UBR1: variants seen among roughly 807,000 people sequenced by gnomAD.
The protein encoded by UBR1 is E3 ubiquitin-protein ligase UBR1.
A neutral mutation model predicts 242.1 loss-of-function variants in UBR1; 102 were observed. That is an observed-to-expected ratio of 0.42 (90% CI 0.36 to 0.50). The LOEUF (loss-of-function observed/expected upper bound fraction) is 0.50, where lower values mean the gene tolerates loss of function less well. UBR1 is among the 20% of genes least tolerant of loss of function. The pLI is 0.01. For missense variants in UBR1, 1,772 were observed against 2,101.8 expected (o/e 0.84, Z 3.07); for synonymous variants, 675 against 684.8 (o/e 0.99, Z 0.22).
chr15:43,074,939 T>C (rs372960286), intron 4 of UBR1, 40 bp downstream of exon 4: 1 of 1,473,984 alleles, frequency 6.8e-7, no homozygotes, highest in Non-Finnish European at 9.5e-7. Context: ...CTCAGCAAAC[T>C]TAAAATAGTT....
chr15:42,991,983 C>T (rs1299849951), intron 33 of UBR1, among the ~76,000 whole-genome samples: 2 of 152,038 alleles, frequency 1.3e-5, no homozygotes, highest in African/African-American at 4.8e-5. Context: ...AATTCCTGGC[C>T]TCAAGTGATC....
chr15:43,079,194 C>T (rs1307829179), intron 3 of UBR1, among the ~76,000 whole-genome samples: 4 of 152,114 alleles, frequency 2.6e-5, no homozygotes, highest in Non-Finnish European at 5.9e-5. Flanking sequence ...AGACCAGGCA[C>T]AGTGGCTCAT....
intron 5 of UBR1, among the ~76,000 whole-genome samples, chr15:43,068,983 C>T (rs1020643181): frequency 6.6e-6 from 1 of 152,162 alleles, no homozygotes; most frequent in African/African-American, 2.4e-5. Flanking sequence ...GATAAATAAA[C>T]AGATTTTATT....
At chr15:43,054,981 A>T in intron 11 of UBR1, 82 bp from the exon 12 acceptor site, 1 of 1,457,486 alleles carries the variant, frequency 6.9e-7, no homozygotes, top group Non-Finnish European at 9.5e-7. Flanking sequence ...TTGGTTAGTC[A>T]GTATGTCATT....
intron 6 of UBR1, among the ~76,000 whole-genome samples, chr15:43,065,274 A>G (rs1336645452): frequency 1.3e-5 from 2 of 151,704 alleles, no homozygotes; most frequent in Admixed American, 6.6e-5. Context: ...TTCTTTTCCT[A>G]TCTCTATTCT....
At chr15:42,985,058 C>G (rs1019597551) in intron 35 of UBR1, 116 bp from the exon 36 acceptor site, 1 of 897,048 alleles carries the variant, frequency 1.1e-6, no homozygotes, top group Non-Finnish European at 1.6e-6. Flanking sequence ...TTGCATTTTT[C>G]CCCTTCAAAG....
intron 44 of UBR1, among the ~76,000 whole-genome samples, chr15:42,953,547 T>C (rs1313171018): frequency 6.6e-6 from 1 of 152,128 alleles, no homozygotes; most frequent in African/African-American, 2.4e-5. Context: ...TTCCGGGAGG[T>C]TGCTCCAGAA....
intron 2 of UBR1, among the ~76,000 whole-genome samples, chr15:43,084,758 AT>A (rs988763833): frequency 5.9e-5 from 9 of 151,920 alleles, no homozygotes; most frequent in Non-Finnish European, 8.8e-5. Context: ...GGCCAAGGCT[AT>A]TTTTTTTCCC....
intron 39 of UBR1, among the ~76,000 whole-genome samples, chr15:42,972,695 G>A (rs1003888458): frequency 5.9e-5 from 9 of 152,088 alleles, no homozygotes; most frequent in African/African-American, 1.9e-4. Context: ...TTTTAGCACT[G>A]AATAATATTT....
chr15:43,056,535 C>A, intron 10 of UBR1, 93 bp from the exon 11 acceptor site: 1 of 810,044 alleles, frequency 1.2e-6, no homozygotes. Context: ...TTGTTTCTAT[C>A]TATAAAATGT....
intron 41 of UBR1, among the ~76,000 whole-genome samples, chr15:42,964,399 G>A (rs958267798): frequency 6.6e-6 from 1 of 152,102 alleles, no homozygotes; most frequent in Non-Finnish European, 1.5e-5. Flanking sequence ...AACCCGGGAG[G>A]TGGAGGTTGC....
At chr15:43,077,175 G>T (rs1204088569) in intron 3 of UBR1, among the ~76,000 whole-genome samples, 1 of 145,992 alleles carries the variant, frequency 6.8e-6, no homozygotes, top group Non-Finnish European at 1.5e-5. Context: ...TTGGGGATGG[G>T]CCATGATGAC....
At chr15:43,000,062 A>G (rs1448087063) in intron 32 of UBR1, among the ~76,000 whole-genome samples, 1 of 152,138 alleles carries the variant, frequency 6.6e-6, no homozygotes, top group Non-Finnish European at 1.5e-5. Context: ...ATTTTTTCGT[A>G]AGTTTGTATT....
At chr15:43,102,109 A>G (rs2034244673) in intron 1 of UBR1, among the ~76,000 whole-genome samples, 1 of 152,120 alleles carries the variant, frequency 6.6e-6, no homozygotes, top group Non-Finnish European at 1.5e-5. Context: ...CGCTGGAAAC[A>G]ACACAACCGC....
Position 42,970,580 on chromosome 15 carries a change from T to G in UBR1, c.4397A>C (p.Asp1466Ala), listed in dbSNP as rs1244166418. Residue 1466 changes from aspartate (D) to alanine (A), a missense_variant, in exon 40 of 47, where the codon GAC becomes GCC. Coordinates refer to ENST00000290650, the MANE Select transcript of UBR1 (RefSeq NM_174916.3). ...AGATGCGGAATGAGCCTCTTCACTG[T>G]CTTCTTGAACCTGAGCAAGGGGTAG... ...TGLPLAQVQE[D>A]SEEAHSASSF... The G allele has an allele frequency of 6.2e-7, 1 of 1,613,744 alleles. No homozygotes were observed. Among genetic ancestry groups the G allele is most frequent in the African/African-American group, 1.3e-5 (1 of 74,936 alleles).
At chr15:42,950,135 G>A (rs1469472307) in intron 46 of UBR1, 127 bp downstream of exon 46, 4 of 897,462 alleles carry the variant, frequency 4.5e-6, no homozygotes, top group Non-Finnish European at 7.3e-6. Flanking sequence ...CACGGTGTCT[G>A]GCCTCAATTA....
chr15:43,055,791 C>T (rs1309934191), intron 11 of UBR1, among the ~76,000 whole-genome samples: 5 of 151,856 alleles, frequency 3.3e-5, no homozygotes, highest in African/African-American at 4.8e-5. Context: ...GGTGCCTGCC[C>T]GTAGTCCCAG....
intron 25 of UBR1, among the ~76,000 whole-genome samples, chr15:43,023,973 TAC>T (rs945222608): frequency 2.0e-5 from 3 of 152,222 alleles, no homozygotes; most frequent in African/African-American, 7.2e-5. Context: ...AATAGGAGAC[TAC>T]TGAAACACAT....
At chr15:42,990,254 C>T (rs2032534192) in intron 33 of UBR1, 134 bp from the exon 34 acceptor site, 2 of 671,198 alleles carry the variant, frequency 3.0e-6, no homozygotes, top group Non-Finnish European at 5.2e-6. Flanking sequence ...GCATGATCAT[C>T]TGTAGCTTCC....
Sources: gnomAD v4.1 joint callset for allele counts (sites outside exome capture counted in the v4.1 genomes callset) on GRCh38, gnomAD v4.1.1 for gene constraint, MANE v1.5 for transcripts, NCBI Gene and HGNC (gene_info 2026-07-23, HGNC 2026-07-21) for gene names.